AGAP1: variants seen among roughly 807,000 people sequenced by gnomAD.
AGAP1 encodes arf-GAP with GTPase, ANK repeat and PH domain-containing protein 1.
In AGAP1, 29 loss-of-function variants were observed where a neutral mutation model predicts 105.3. The observed-to-expected ratio is 0.28, with a 90% confidence interval of 0.21 to 0.38. The LOEUF is 0.38. Among genes scored for constraint, AGAP1 ranks in the 10% least tolerant of loss-of-function variants. The pLI, the probability that AGAP1 is intolerant of heterozygous loss-of-function variation, is 1.00. For synonymous variants in AGAP1, 509 were observed against 485.9 expected (o/e 1.05, Z -0.63); for missense variants, 998 against 1,165.1 (o/e 0.86, Z 2.09).
At position 236,010,722 on chromosome 2, in the gene AGAP1, A is replaced by C. The variant is rs75918453; in HGVS notation, c.1646-25839A>C. Among the ~76,000 whole-genome samples the C allele has an allele frequency of 2.8e-3, 432 of 152,380 alleles. 4 individuals carry two copies. The highest frequency in any genetic ancestry group is 9.8e-3 in the African/African-American group (408 of 41,596). ...GCTAACGCCTTCGGTGTTCCTCAAC[A>C]GGAGGGCTCTGTGTGTGTTTTCCGG... On this transcript the variant is annotated intron_variant, in intron 13 of 17. Coordinates refer to ENST00000304032, the MANE Select transcript of AGAP1 (RefSeq NM_001037131.3).
rs1955311191 is a variant in AGAP1 at position 235,770,129 on chromosome 2, G to GTTTTTTTTTTT, written c.673+19644_673+19645insTTTTTTTTTTT. ...TACACACACATTTTTTTCTTTCTTT[G>GTTTTTTTTTTT]TTTCTTTTTTTTTTTTGAGACGGAG... On this transcript the variant is annotated intron_variant, in intron 6 of 17. Transcript: ENST00000304032. Among the ~76,000 whole-genome samples the GTTTTTTTTTTT allele has an allele frequency of 2.1e-5, 2 of 97,308 alleles. 1 individual carries two copies. Among genetic ancestry groups the GTTTTTTTTTTT allele is most frequent in the Admixed American group, 2.7e-4 (2 of 7,324 alleles). The allele number at this position is 97,308 out of a possible 152,430, so 63.8% of individuals were successfully genotyped here. A position where few individuals can be genotyped will look rare whatever the true frequency, so the allele number is the denominator to read the frequency against.
Position 236,123,856 on chromosome 2 carries a change from T to C in AGAP1, c.2371-63T>C, listed in dbSNP as rs1460506289. On this transcript the variant is annotated intron_variant, in intron 17 of 17. Coordinates refer to ENST00000304032, the MANE Select transcript of AGAP1 (RefSeq NM_001037131.3). This position sits in a 1 kb window ranked among gnomAD's most constrained non-coding sequence, Gnocchi z 4.6. ...CACATGCAAGGGCTGAGAGAAAGCT[T>C]CCCTGCCCCCTCCCTCCATCACATC... 7.5e-6 allele frequency: 12 copies of C among 1,596,450 alleles called. No homozygotes were observed. Among genetic ancestry groups the C allele is most frequent in the Middle Eastern group, 2.3e-4 (1 of 4,396 alleles).
chr2:235,540,938 T>C (rs1440480034), intron 1 of AGAP1, among the ~76,000 whole-genome samples: 1 of 152,202 alleles, frequency 6.6e-6, no homozygotes, highest in African/African-American at 2.4e-5. Context: ...TGGCTCTCTA[T>C]GTGGTCATTC....
chr2:235,557,731 T>G lies in AGAP1; in HGVS notation c.163+62882T>G, dbSNP rs1488424651. ...GACAGCCTGACCCCAGAGTGGGCAC[T>G]TCAGGTCCCGCTCCATGGCCGTGTG... On this transcript the variant is annotated intron_variant, in intron 1 of 17. Transcript: ENST00000304032. This position sits in a 1 kb window ranked among gnomAD's most constrained non-coding sequence, Gnocchi z 4.7. Among the ~76,000 whole-genome samples, 3 of 152,260 alleles carry G rather than the reference T, an allele frequency of 2.0e-5. No individual in the cohort carries two copies. The highest frequency in any genetic ancestry group is 2.0e-4 in the Admixed American group (3 of 15,300).
rs936433334 is a variant in AGAP1, at chr2:235,717,230, A to C, written c.223-327A>C. ...TTTTCCCAGTCTCTGGAGGGTGCAC[A>C]GTAGATGCCGGCGGGCTAACTCAAG... is the stretch of plus-strand genomic sequence containing the variant. On this transcript the variant is annotated intron_variant, in intron 2 of 17. Transcript: ENST00000304032. Among the ~76,000 whole-genome samples the C allele has an allele frequency of 2.6e-5, 4 of 152,212 alleles. No individual in the cohort carries two copies. In the East Asian group the frequency reaches 7.7e-4, roughly 29 times the overall value.
chr2:235,763,033 C>T (rs952254812), intron 6 of AGAP1, among the ~76,000 whole-genome samples: 7 of 134,440 alleles, frequency 5.2e-5, no homozygotes, highest in Admixed American at 3.3e-4. Context: ...TGTTAAGGCT[C>T]GGGTGTGTGT....
At position 236,083,889 on chromosome 2, in the gene AGAP1, GCA is replaced by G. The variant is rs1352423390; in HGVS notation, c.2114+34616_2114+34617del. Among the ~76,000 whole-genome samples the G allele has an allele frequency of 2.0e-5, 3 of 152,088 alleles. No homozygotes were observed. Among genetic ancestry groups the G allele is most frequent in the Non-Finnish European group, 4.4e-5 (3 of 68,024 alleles). On this transcript the variant is annotated intron_variant, in intron 16 of 17. Coordinates refer to ENST00000304032, the MANE Select transcript of AGAP1 (RefSeq NM_001037131.3). The surrounding 1 kb of genome is among the most constrained non-coding windows in gnomAD (Gnocchi z 5.3). ...GATAAATGGGCATGTGCGTGTGTAT[GCA>G]CACACACGTGCACACATACACACAC...
rs114201559 is a variant in AGAP1, at chr2:236,054,137, C to T, written c.2114+4856C>T. Among the ~76,000 whole-genome samples the T allele has an allele frequency of 1.4e-3, 219 of 152,306 alleles. 1 individual carries two copies. Among genetic ancestry groups the T allele is most frequent in the African/African-American group, 5.1e-3 (214 of 41,556 alleles). ...CTTTTTGATTCTGGAACTCCACTTT[C>T]ATCTTATTTATGCACATGGAGATAT... On this transcript the variant is annotated intron_variant, in intron 16 of 17. Transcript: ENST00000304032.
intron 7 of AGAP1, among the ~76,000 whole-genome samples, chr2:235,798,742 G>C (rs1957355520): frequency 6.6e-6 from 1 of 152,040 alleles, no homozygotes; most frequent in African/African-American, 2.4e-5. Context: ...AAATTAGCTG[G>C]GCGTGGTGGC....
intron 1 of AGAP1, among the ~76,000 whole-genome samples, chr2:235,626,618 T>C (rs1210681980): frequency 2.0e-5 from 3 of 152,258 alleles, no homozygotes; most frequent in South Asian, 4.1e-4. Flanking sequence ...CATTTCTCTT[T>C]TCCTCAATGA....
intron 1 of AGAP1, among the ~76,000 whole-genome samples, chr2:235,503,059 C>A (rs1574699921): frequency 2.0e-5 from 3 of 152,194 alleles, no homozygotes; most frequent in Admixed American, 2.0e-4. Flanking sequence ...CAAATAGCCA[C>A]AAGACCTACC....
intron 6 of AGAP1, among the ~76,000 whole-genome samples, chr2:235,774,717 T>C (rs1484731375): frequency 6.6e-6 from 1 of 152,204 alleles, no homozygotes; most frequent in Admixed American, 6.5e-5. Context: ...AGATTTCACA[T>C]GAACTTATTT....
intron 11 of AGAP1, among the ~76,000 whole-genome samples, chr2:235,929,005 G>A (rs555960024): frequency 1.4e-4 from 22 of 152,172 alleles, no homozygotes; most frequent in East Asian, 3.9e-4. Context: ...TTTCTAGGGC[G>A]TTAGGGCACG....
In AGAP1 at chr2:235,799,283, C is replaced by A; in HGVS notation, c.802-84C>A. On this transcript the variant is annotated intron_variant, in intron 7 of 17. Transcript: ENST00000304032. This position sits in a 1 kb window ranked among gnomAD's most constrained non-coding sequence, Gnocchi z 5.0. Reference sequence around the variant, plus strand: ...ATCCCTTCCATGGGGCTCATGCTCACTTGTTGGTTATGACCTTGCCTAAGT... The same window carrying A: ...ATCCCTTCCATGGGGCTCATGCTCAATTGTTGGTTATGACCTTGCCTAAGT... The A allele has an allele frequency of 6.7e-7, 1 of 1,499,242 alleles. No individual in the cohort carries two copies. 92.9% of individuals were successfully genotyped at this position (1,499,242 alleles called of 1,614,324 possible).
At chr2:235,613,351 C>T (rs1174585325) in intron 1 of AGAP1, among the ~76,000 whole-genome samples, 1 of 152,136 alleles carries the variant, frequency 6.6e-6, no homozygotes, top group East Asian at 1.9e-4. Context: ...GGGATGTAAG[C>T]ACCTTTTAAT....
chr2:235,874,528 C>T lies in AGAP1; in HGVS notation c.1051-8817C>T, dbSNP rs974834318. 6.6e-6 allele frequency among the ~76,000 whole-genome samples: 1 copy of T among 152,120 alleles called. No individual in the cohort carries two copies. The highest frequency in any genetic ancestry group is 2.4e-5 in the African/African-American group (1 of 41,432). On this transcript the variant is annotated intron_variant, in intron 9 of 17. Transcript: ENST00000304032. This position sits in a 1 kb window ranked among gnomAD's most constrained non-coding sequence, Gnocchi z 4.5. ...GGTGCTTTCACCTAGGCAGAGCAACCGAAGTGCACTTTGCAGGGAGCTAAG... is the reference window on the plus strand; with the variant it reads ...GGTGCTTTCACCTAGGCAGAGCAACTGAAGTGCACTTTGCAGGGAGCTAAG...
chr2:235,788,603 C>T lies in AGAP1; in HGVS notation c.674-9156C>T, dbSNP rs1040258457. 6.6e-6 allele frequency among the ~76,000 whole-genome samples: 1 copy of T among 151,738 alleles called. No individual in the cohort carries two copies. The highest frequency in any genetic ancestry group is 1.9e-4 in the East Asian group (1 of 5,136). ...CAAGGAGAGGAGTGGGAGGGTCCAT[C>T]GGTGTCGTCAGTGCACATCCCGGTG... On this transcript the variant is annotated intron_variant, in intron 6 of 17. Transcript: ENST00000304032. This position sits in a 1 kb window ranked among gnomAD's most constrained non-coding sequence, Gnocchi z 6.0.
intron 9 of AGAP1, among the ~76,000 whole-genome samples, chr2:235,853,678 A>G (rs142912578): frequency 9.1e-4 from 139 of 152,254 alleles, no homozygotes; most frequent in African/African-American, 3.2e-3. Flanking sequence ...AATCAGATGA[A>G]TATATTATTC....
chr2:235,836,178 A>G (rs1490082001), intron 9 of AGAP1, among the ~76,000 whole-genome samples: 6 of 152,274 alleles, frequency 3.9e-5, no homozygotes, highest in Non-Finnish European at 8.8e-5. Context: ...TAAACTGAAC[A>G]GCACAGGTCT....
Sources: allele counts gnomAD v4.1 joint callset (sites outside exome capture counted in the v4.1 genomes callset), GRCh38; gene constraint gnomAD v4.1.1; non-coding constraint Gnocchi (gnomAD v3.1); transcripts MANE v1.5; gene names NCBI Gene and HGNC (gene_info 2026-07-23, HGNC 2026-07-21).